The following COQ5 variants were observed in gnomAD, a reference collection of about 807,000 sequenced individuals.
COQ5 encodes the protein 2-methoxy-6-polyprenyl-1,4-benzoquinol methylase, mitochondrial.
A neutral mutation model predicts 40.5 loss-of-function variants in COQ5; 27 were observed. The observed-to-expected ratio is 0.67, with a 90% CI of 0.49 to 0.92. COQ5 has a LOEUF of 0.92. COQ5 is among the 40% of genes least tolerant of loss of function. COQ5 has a pLI of 0.00. For synonymous variants in COQ5, 141 were observed against 150.0 expected (o/e 0.94, Z 0.44); for missense variants, 409 against 406.4 (o/e 1.01, Z -0.06).
chr12:120,516,727 C>A lies in COQ5; in HGVS notation c.414G>T (p.Arg138Ser), dbSNP rs1252432058. Residue 138 changes from arginine to serine, a missense_variant, in exon 3 of 7, where the codon AGG (arginine) becomes AGT (serine). Physicochemically the swap from Arg to Ser is moderately radical, Grantham distance 110. Transcript: ENST00000288532. ...VQSQHQRKQK[R>S]QLRAQQNLSW... ...ATAAATTTTGTTGGGCCCTTAACTG[C>A]CTCTTCTGTTTTCTCTGATGCTGGG... is the stretch of plus-strand genomic sequence containing the variant. 3.1e-6 allele frequency: 5 copies of A among 1,614,174 alleles called. No homozygotes were observed. In the South Asian group the frequency reaches 5.5e-5, roughly 18 times the overall value.
chr12:120,523,836 C>G (rs1411955206), intron 1 of COQ5: 2 of 323,618 alleles, frequency 6.2e-6, no homozygotes, highest in Non-Finnish European at 1.3e-5. Flanking sequence ...ATGGCAAAAC[C>G]CTGTCTCTAG....
intron 4 of COQ5, among the ~76,000 whole-genome samples, chr12:120,507,366 C>A (rs1201244440): frequency 2.6e-5 from 4 of 151,104 alleles, no homozygotes; most frequent in Non-Finnish European, 5.9e-5. Context: ...CTCACCACAA[C>A]CTCTGCCTCC....
At chr12:120,523,903 G>A (rs117192040) in intron 1 of COQ5, 5,322 of 411,894 alleles carry the variant, frequency 0.013, 57 homozygotes, top group Non-Finnish European at 0.019. Context: ...CCAGCTACTC[G>A]GGTGGTTGGG....
chr12:120,505,011 C>A (rs1258596382), intron 4 of COQ5, 28 bp from the exon 5 acceptor site: 1 of 1,580,166 alleles, frequency 6.3e-7, no homozygotes, highest in Non-Finnish European at 8.7e-7. Flanking sequence ...CAACAGGACA[C>A]ACTCCTCAGT....
At chr12:120,517,679 C>G (rs1869443376) in intron 2 of COQ5, among the ~76,000 whole-genome samples, 1 of 149,956 alleles carries the variant, frequency 6.7e-6, no homozygotes, top group African/African-American at 2.5e-5. Flanking sequence ...AAGACTACAT[C>G]TCAAAAAAAA....
At chr12:120,513,633 C>T (rs1869246991) in intron 3 of COQ5, among the ~76,000 whole-genome samples, 1 of 149,914 alleles carries the variant, frequency 6.7e-6, no homozygotes, top group Non-Finnish European at 1.5e-5. Context: ...GATTCTCGTG[C>T]CTCAGCCTCC....
intron 1 of COQ5, chr12:120,523,412 C>A: frequency 2.5e-6 from 1 of 401,168 alleles, no homozygotes; most frequent in Non-Finnish European, 4.9e-6. Context: ...TCGGGACTGG[C>A]TGTGTGTGGT....
intron 1 of COQ5, chr12:120,526,461 A>T: frequency 2.2e-6 from 1 of 455,844 alleles, no homozygotes; most frequent in Non-Finnish European, 4.4e-6. Context: ...ACTTACCAAC[A>T]TGAACAAGAA....
rs189897829 is a variant in COQ5 at position 120,513,589 on chromosome 12, G to A, written c.574+2978C>T. Among the ~76,000 whole-genome samples, 54 of 147,386 alleles carry A rather than the reference G, an allele frequency of 3.7e-4. 3 individuals are homozygous for A. In the East Asian group the frequency reaches 9.9e-3, roughly 27 times the overall value. On this transcript the variant is annotated intron_variant, in intron 3 of 6. Coordinates refer to ENST00000288532, the MANE Select transcript of COQ5 (RefSeq NM_032314.4). ...CTTGCTCTGTCACCCAGTCTGTAGT[G>A]TAGTGGTGCGACGTCCACCTCCTGG...
chr12:120,521,370 C>T (rs1449254136), intron 2 of COQ5, among the ~76,000 whole-genome samples: 2 of 151,686 alleles, frequency 1.3e-5, no homozygotes, highest in African/African-American at 4.8e-5. Context: ...GCCAGCCAAT[C>T]TGTGTATTTT....
chr12:120,515,221 A>G (rs1238128162), intron 3 of COQ5, among the ~76,000 whole-genome samples: 1 of 152,070 alleles, frequency 6.6e-6, no homozygotes, highest in African/African-American at 2.4e-5. Flanking sequence ...CCTCCCAAGT[A>G]GCTGTTACTA....
chr12:120,525,937 T>TAAAA (rs55846808), intron 1 of COQ5, among the ~76,000 whole-genome samples: 146,806 of 151,972 alleles, frequency 0.97, 71,019 homozygotes, highest in Non-Finnish European at 1. Flanking sequence ...AAAAAATAAA[T>TAAAA]ATAAATAAAT....
intron 3 of COQ5, among the ~76,000 whole-genome samples, chr12:120,511,260 A>G (rs574911818): frequency 1.7e-3 from 261 of 151,456 alleles, no homozygotes; most frequent in African/African-American, 5.7e-3. Context: ...CTGTCTCAAA[A>G]AAAAAAAAAA....
At chr12:120,507,224 A>G (rs960357841) in intron 4 of COQ5, among the ~76,000 whole-genome samples, 4 of 152,198 alleles carry the variant, frequency 2.6e-5, no homozygotes, top group Non-Finnish European at 5.9e-5. Context: ...GATTAGAAGC[A>G]TCTTTAACGA....
rs754110978 is a variant in COQ5, at chr12:120,504,988, G to A, written c.682-5C>T. 1 of 1,613,046 alleles carries A rather than the reference G, an allele frequency of 6.2e-7. No homozygotes were observed. The highest frequency in any genetic ancestry group is 8.5e-7 in the Non-Finnish European group (1 of 1,179,068). On this transcript the variant is annotated splice_region_variant and splice_polypyrimidine_tract_variant and intron_variant, in intron 4 of 6. Transcript: ENST00000288532. Reference sequence around the variant, plus strand: ...CCGATGAGCTTCCTGGAGTGCCTGAGCAAGACAAGGAACAACAGGACACAC... The same window carrying A: ...CCGATGAGCTTCCTGGAGTGCCTGAACAAGACAAGGAACAACAGGACACAC...
rs145797257 is a variant in COQ5, at chr12:120,504,944, G to T, written c.721C>A (p.Arg241=). 2.0e-5 allele frequency: 33 copies of T among 1,613,980 alleles called. No individual in the cohort carries two copies. Among genetic ancestry groups the T allele is most frequent in the Non-Finnish European group, 2.5e-5 (30 of 1,180,030 alleles). ...TGGCTAAATTCCAGACAGAGAAACC[G>T]TCCTCCTGGTTTCAGCACCCGATGA... ...EAHRVLKPGG[R]FLCLEFSQVN... Residue 241 remains arginine, a synonymous_variant, in exon 5 of 7, where the codon CGG becomes AGG. Coordinates refer to ENST00000288532, the MANE Select transcript of COQ5 (RefSeq NM_032314.4).
chr12:120,528,222 AT>A (rs1870056626), intron 1 of COQ5, among the ~76,000 whole-genome samples: 1 of 151,402 alleles, frequency 6.6e-6, no homozygotes, highest in Admixed American at 6.6e-5. Context: ...AAATAAATAA[AT>A]AAATAAATAA....
In COQ5 at chr12:120,516,616, C is replaced by T. The variant is rs1367424669; in HGVS notation, c.525G>A (p.Glu175=). ...SRVVVCDINK[E]MLKVGKQKAL... ...CTTTCTGCTTTCCAACCTTTAGCAT[C>T]TCCTTGTTGATGTCACACACCACGA... is the stretch of plus-strand genomic sequence containing the variant. The change falls in exon 3 of 7, where the codon GAG becomes GAA. Residue 175 remains glutamate (E), a synonymous_variant. Coordinates refer to ENST00000288532, the MANE Select transcript of COQ5 (RefSeq NM_032314.4). The T allele has an allele frequency of 1.9e-6, 3 of 1,614,090 alleles. No individual in the cohort carries two copies. Among genetic ancestry groups the T allele is most frequent in the East Asian group, 2.2e-5 (1 of 44,902 alleles).
intron 3 of COQ5, among the ~76,000 whole-genome samples, chr12:120,510,647 C>T (rs1869088985): frequency 6.6e-6 from 1 of 152,116 alleles, no homozygotes; most frequent in Admixed American, 6.6e-5. Flanking sequence ...TTGTCTGTTT[C>T]CTCATCTGTA....
Sources: allele counts gnomAD v4.1 joint callset (sites outside exome capture counted in the v4.1 genomes callset), GRCh38; gene constraint gnomAD v4.1.1; transcripts MANE v1.5; gene names NCBI Gene and HGNC (gene_info 2026-07-23, HGNC 2026-07-21).